INPP4B: variants seen among roughly 807,000 people sequenced by gnomAD.
INPP4B encodes the protein inositol polyphosphate-4-phosphatase type II B.
In INPP4B, 55 loss-of-function variants were observed where a neutral mutation model predicts 122.5. The ratio of observed to expected loss-of-function variants is 0.45; its 90% confidence interval spans 0.36 to 0.56. The LOEUF is 0.56. Ranked by LOEUF, INPP4B falls within the 20% of genes least tolerant of loss-of-function variation. The pLI is 0.00. For synonymous variants in INPP4B, 403 were observed against 388.7 expected (o/e 1.04, Z -0.43); for missense variants, 1,000 against 1,097.7 (o/e 0.91, Z 1.26).
chr4:142,565,307 A>G (rs1434986074), intron 2 of INPP4B, among the ~76,000 whole-genome samples: 1 of 152,206 alleles, frequency 6.6e-6, no homozygotes, highest in Non-Finnish European at 1.5e-5. Context: ...AAAGAAAGAA[A>G]GAAAGAATAG....
intron 25 of INPP4B, among the ~76,000 whole-genome samples, chr4:142,060,209 TATTA>T (rs1759864359): frequency 6.6e-6 from 1 of 152,194 alleles, no homozygotes; most frequent in Non-Finnish European, 1.5e-5. Context: ...CAAAACCATT[TATTA>T]ATTAGCTATC....
chr4:142,559,168 T>C (rs1729914535), intron 2 of INPP4B, among the ~76,000 whole-genome samples: 1 of 152,172 alleles, frequency 6.6e-6, no homozygotes, highest in Non-Finnish European at 1.5e-5. Flanking sequence ...TCAGTTTTAG[T>C]TGGTGGTAAA....
chr4:142,392,351 T>C (rs1189425941), intron 7 of INPP4B, among the ~76,000 whole-genome samples: 9 of 152,198 alleles, frequency 5.9e-5, no homozygotes, highest in Admixed American at 5.9e-4. Flanking sequence ...CTATGAACAA[T>C]AGAAATGAAA....
intron 7 of INPP4B, among the ~76,000 whole-genome samples, chr4:142,387,539 G>T (rs1796356081): frequency 6.6e-6 from 1 of 151,768 alleles, no homozygotes; most frequent in African/African-American, 2.4e-5. Flanking sequence ...GGCCTCCAAG[G>T]TTATATAGTG....
intron 18 of INPP4B, 141 bp from the exon 19 acceptor site, chr4:142,124,901 T>C (rs1481591225): frequency 6.1e-5 from 41 of 666,824 alleles, no homozygotes; most frequent in Non-Finnish European, 6.5e-5. Context: ...GAGCTGAAGA[T>C]CTCTAATTTA....
chr4:142,176,156 A>ATTATTATC (rs1579177441), intron 15 of INPP4B, among the ~76,000 whole-genome samples: 1 of 37,854 alleles, frequency 2.6e-5, no homozygotes, highest in Non-Finnish European at 7.2e-5. Flanking sequence ...TTATTATTAT[A>ATTATTATC]CTTTAAGTTC....
intron 15 of INPP4B, among the ~76,000 whole-genome samples, chr4:142,188,518 A>AAAAAAAAAAT (rs1834267141): frequency 1.9e-5 from 2 of 105,126 alleles, no homozygotes; most frequent in East Asian, 3.0e-4. Context: ...AAAGAAAAAA[A>AAAAAAAAAAT]ATATATATAG....
At chr4:142,566,858 C>T (rs1306252349) in intron 2 of INPP4B, among the ~76,000 whole-genome samples, 1 of 152,172 alleles carries the variant, frequency 6.6e-6, no homozygotes, top group Non-Finnish European at 1.5e-5. Flanking sequence ...ATAACCAGCT[C>T]ATTTTTTAAA....
At chr4:142,602,602 CAT>C (rs1446270402) in intron 2 of INPP4B, among the ~76,000 whole-genome samples, 2 of 152,128 alleles carry the variant, frequency 1.3e-5, no homozygotes, top group South Asian at 2.1e-4. Flanking sequence ...AGCCAACAAA[CAT>C]ATGAAAAAAA....
chr4:142,365,669 T>A (rs946050662), intron 7 of INPP4B, among the ~76,000 whole-genome samples: 13 of 152,260 alleles, frequency 8.5e-5, no homozygotes, highest in African/African-American at 2.9e-4. Flanking sequence ...TTAGAATGCA[T>A]GTGCCTTGCA....
intron 1 of INPP4B, among the ~76,000 whole-genome samples, chr4:142,787,276 T>A (rs1343838599): frequency 1.3e-5 from 2 of 152,166 alleles, no homozygotes; most frequent in Non-Finnish European, 2.9e-5. Flanking sequence ...TGAGGCCTAG[T>A]GAGAGGGGAT....
chr4:142,751,985 A>C (rs994100797), intron 1 of INPP4B, among the ~76,000 whole-genome samples: 2 of 152,080 alleles, frequency 1.3e-5, no homozygotes, highest in Non-Finnish European at 2.9e-5. Flanking sequence ...TAAAAGGTTT[A>C]AATTTTAAAC....
chr4:142,486,646 G>A (rs1221997775), intron 2 of INPP4B, among the ~76,000 whole-genome samples: 6 of 151,862 alleles, frequency 4.0e-5, no homozygotes, highest in Non-Finnish European at 8.8e-5. Context: ...TTCCACTTAC[G>A]GTTTGTGCTT....
intron 5 of INPP4B, among the ~76,000 whole-genome samples, chr4:142,427,931 T>C (rs1275009748): frequency 2.6e-5 from 4 of 151,784 alleles, no homozygotes; most frequent in Non-Finnish European, 5.9e-5. Flanking sequence ...GAAAACTCTC[T>C]AGAGAGAGAG....
intron 23 of INPP4B, among the ~76,000 whole-genome samples, chr4:142,097,276 C>T (rs1262578153): frequency 6.6e-4 from 25 of 37,866 alleles, no homozygotes; most frequent in South Asian, 7.9e-4. Flanking sequence ...TTTTTTGAGA[C>T]GGAGTTTCGC....
At chr4:142,537,400 GTATATATATATATATATATA>G (rs34425745) in intron 2 of INPP4B, among the ~76,000 whole-genome samples, 1 of 32,984 alleles carries the variant, frequency 3.0e-5, no homozygotes, top group Non-Finnish European at 7.2e-5. Context: ...TTTACATACA[GTATATATATATATATATATA>G]TATATATATA....
At chr4:142,641,324 G>T (rs1358624080) in intron 2 of INPP4B, among the ~76,000 whole-genome samples, 3 of 151,748 alleles carry the variant, frequency 2.0e-5, no homozygotes, top group Admixed American at 6.6e-5. Flanking sequence ...CAATGTGCAG[G>T]TTTGTTACAC....
intron 2 of INPP4B, among the ~76,000 whole-genome samples, chr4:142,576,584 A>T (rs2150180576): frequency 6.6e-6 from 1 of 152,158 alleles, no homozygotes; most frequent in African/African-American, 2.4e-5. Flanking sequence ...AAGCCATAAA[A>T]GAAATTCATA....
At chr4:142,169,086 T>C (rs1009050470) in intron 16 of INPP4B, among the ~76,000 whole-genome samples, 2 of 151,696 alleles carry the variant, frequency 1.3e-5, no homozygotes, top group Non-Finnish European at 3.0e-5. Context: ...TCTGATTCCA[T>C]AAATTTTATA....
Sources: gnomAD v4.1 joint callset for allele counts (sites outside exome capture counted in the v4.1 genomes callset) on GRCh38, gnomAD v4.1.1 for gene constraint, MANE v1.5 for transcripts, NCBI Gene and HGNC (gene_info 2026-07-23, HGNC 2026-07-21) for gene names.